Variants in KIAA1217 observed in about 807,000 individuals in gnomAD.
The protein encoded by KIAA1217 is KIAA1217.
KIAA1217 carries 88 observed loss-of-function variants against 163.9 expected under a neutral mutation model. The observed-to-expected ratio is 0.54, with a 90% CI of 0.45 to 0.64. KIAA1217 has a LOEUF of 0.64. Ranked by LOEUF, KIAA1217 falls within the 30% of genes least tolerant of loss-of-function variation. The pLI is 0.00. For missense variants in KIAA1217, 2,372 were observed against 2,475.0 expected, an observed-to-expected ratio of 0.96 and a Z score of 0.88; for synonymous variants, 903 against 923.1, an observed-to-expected ratio of 0.98 and a Z score of 0.39.
chr10:23,950,472 TCA>T (rs373535152), intron 1 of KIAA1217, among the ~76,000 whole-genome samples: 1 of 140,106 alleles, frequency 7.1e-6, no homozygotes, highest in African/African-American at 3.0e-5. Context: ...AACGACTCAA[TCA>T]CAGACAGGGA....
Sources: allele counts gnomAD v4.1 joint callset (sites outside exome capture counted in the v4.1 genomes callset), GRCh38; gene constraint gnomAD v4.1.1; transcripts MANE v1.5; gene names NCBI Gene and HGNC (gene_info 2026-07-23, HGNC 2026-07-21).